Variants in THRB observed in about 807,000 individuals in gnomAD.
THRB encodes thyroid hormone receptor beta, also known as nuclear receptor subfamily 1 group A member 2.
In THRB, 12 loss-of-function variants were observed where a neutral mutation model predicts 47.8. That is an observed-to-expected ratio of 0.25 (90% CI 0.16 to 0.41). The LOEUF (loss-of-function observed/expected upper bound fraction) is 0.41. Ranked by LOEUF, THRB falls within the 10% of genes least tolerant of loss-of-function variation. The probability of loss-of-function intolerance (pLI) is 1.00; values close to 1 mark genes in which losing one functional copy is unlikely to be tolerated. For missense variants in THRB, 348 were observed against 589.2 expected, an observed-to-expected ratio of 0.59 and a Z score of 4.24; for synonymous variants, 218 against 212.2, an observed-to-expected ratio of 1.03 and a Z score of -0.24.
chr3:24,299,088 A>G (rs1424676181), intron 2 of THRB, among the ~76,000 whole-genome samples: 4 of 151,860 alleles, frequency 2.6e-5, no homozygotes, highest in Non-Finnish European at 5.9e-5. Context: ...TCTACTAAAA[A>G]TACAAAAAAA....
intron 5 of THRB, among the ~76,000 whole-genome samples, chr3:24,170,480 G>A (rs1182253929): frequency 6.6e-6 from 1 of 152,168 alleles, no homozygotes; most frequent in Admixed American, 6.5e-5. Context: ...ACCTTCAGTG[G>A]CTTTGTACTG....
chr3:24,384,196 G>A (rs1365337073), intron 1 of THRB, among the ~76,000 whole-genome samples: 2 of 152,070 alleles, frequency 1.3e-5, no homozygotes, highest in Non-Finnish European at 2.9e-5. Flanking sequence ...TTTCTAAACA[G>A]GGCAAGTCTG....
At chr3:24,450,123 T>C (rs925997086) in intron 1 of THRB, among the ~76,000 whole-genome samples, 9 of 152,302 alleles carry the variant, frequency 5.9e-5, no homozygotes, top group African/African-American at 2.2e-4. Flanking sequence ...ATATTTAAGA[T>C]TCTTATTTTA....
intron 2 of THRB, among the ~76,000 whole-genome samples, chr3:24,330,213 A>G (rs2061833616): frequency 1.3e-5 from 2 of 152,208 alleles, no homozygotes; most frequent in East Asian, 3.9e-4. Context: ...AGGCTGAGGC[A>G]GGAGAATGGC....
intron 4 of THRB, among the ~76,000 whole-genome samples, chr3:24,192,842 T>C (rs1251784466): frequency 2.6e-5 from 4 of 152,212 alleles, no homozygotes; most frequent in Non-Finnish European, 4.4e-5. Context: ...TCATAATTAC[T>C]GTCTGTAATT....
At chr3:24,248,690 C>T (rs1218367775) in intron 3 of THRB, among the ~76,000 whole-genome samples, 5 of 152,168 alleles carry the variant, frequency 3.3e-5, no homozygotes, top group African/African-American at 1.2e-4. Flanking sequence ...TCACTGCTGT[C>T]TGGAGTATGG....
At chr3:24,258,624 T>C (rs1396735622) in intron 3 of THRB, among the ~76,000 whole-genome samples, 1 of 152,170 alleles carries the variant, frequency 6.6e-6, no homozygotes, top group Non-Finnish European at 1.5e-5. Context: ...GATGTATACA[T>C]TACTGCATAC....
chr3:24,324,821 C>A (rs2058705228), intron 2 of THRB, among the ~76,000 whole-genome samples: 1 of 152,118 alleles, frequency 6.6e-6, no homozygotes, highest in Non-Finnish European at 1.5e-5. Context: ...GTTTCTTATT[C>A]CTGATTTCCA....
chr3:24,238,278 T>G (rs56927608), intron 3 of THRB, among the ~76,000 whole-genome samples: 318 of 29,872 alleles, frequency 0.011, 5 homozygotes, highest in Middle Eastern at 0.05. Flanking sequence ...TGTGTGTGTG[T>G]GGGGGGGGGG....
At chr3:24,204,791 T>C (rs879665777) in intron 4 of THRB, among the ~76,000 whole-genome samples, 1 of 152,092 alleles carries the variant, frequency 6.6e-6, no homozygotes. Flanking sequence ...CAATTACCAG[T>C]GTAGAGAAGT....
intron 3 of THRB, among the ~76,000 whole-genome samples, chr3:24,292,561 C>T (rs1237346408): frequency 6.6e-6 from 1 of 152,114 alleles, no homozygotes; most frequent in East Asian, 1.9e-4. Flanking sequence ...GTTTCAAGCC[C>T]TTCTCCCTGG....
At chr3:24,472,477 C>T (rs939693066) in intron 1 of THRB, among the ~76,000 whole-genome samples, 2 of 152,094 alleles carry the variant, frequency 1.3e-5, no homozygotes, top group African/African-American at 4.8e-5. Flanking sequence ...GACTACTGAC[C>T]CCTAAAAAGG....
Position 24,149,267 on chromosome 3 carries a change from A to G in THRB, c.385-2445T>C, listed in dbSNP as rs554332162. Among the ~76,000 whole-genome samples the G allele has an allele frequency of 4.1e-4, 63 of 152,316 alleles. No individual in the cohort carries two copies. The South Asian group carries it at 5.6e-3, about 14-fold the overall frequency. ...CTTCTGGAGGAAACAATAATTTCCTAGAGGTAGAAATACCAAAGTCCAAGA... is the reference window on the plus strand; with the variant it reads ...CTTCTGGAGGAAACAATAATTTCCTGGAGGTAGAAATACCAAAGTCCAAGA... On this transcript the variant is annotated intron_variant, in intron 6 of 10. Coordinates refer to ENST00000646209, the MANE Select transcript of THRB (RefSeq NM_001354712.2).
At chr3:24,322,882 C>A (rs1481520194) in intron 2 of THRB, among the ~76,000 whole-genome samples, 7 of 152,180 alleles carry the variant, frequency 4.6e-5, no homozygotes, top group African/African-American at 1.4e-4. Flanking sequence ...TCTCTCCTAC[C>A]TAATATCCTG....
chr3:24,473,779 T>C (rs1695051951), intron 1 of THRB, among the ~76,000 whole-genome samples: 1 of 152,226 alleles, frequency 6.6e-6, no homozygotes, highest in Non-Finnish European at 1.5e-5. Flanking sequence ...TGAGTTCATG[T>C]CCTTTGCAGG....
intron 1 of THRB, among the ~76,000 whole-genome samples, chr3:24,423,099 A>G (rs2069425611): frequency 6.6e-6 from 1 of 151,836 alleles, no homozygotes; most frequent in South Asian, 2.1e-4. Flanking sequence ...CCATATAACT[A>G]AGTAAGTCCT....
intron 10 of THRB, among the ~76,000 whole-genome samples, chr3:24,127,100 A>C (rs1213197656): frequency 6.6e-6 from 1 of 152,206 alleles, no homozygotes; most frequent in Non-Finnish European, 1.5e-5. Flanking sequence ...AGCCATGAAC[A>C]AATTCTAGCC....
chr3:24,289,711 T>C (rs1169570842), intron 3 of THRB, among the ~76,000 whole-genome samples: 1 of 152,258 alleles, frequency 6.6e-6, no homozygotes, highest in Non-Finnish European at 1.5e-5. Context: ...CAGCCTAGGC[T>C]AAAATATCGA....
intron 3 of THRB, among the ~76,000 whole-genome samples, chr3:24,280,946 C>A (rs1346127961): frequency 1.3e-5 from 2 of 152,066 alleles, no homozygotes; most frequent in African/African-American, 4.8e-5. Flanking sequence ...GTGAAAAGAC[C>A]AAATCTACGT....
Sources: allele counts gnomAD v4.1 joint callset (sites outside exome capture counted in the v4.1 genomes callset), GRCh38; gene constraint gnomAD v4.1.1; transcripts MANE v1.5; gene names NCBI Gene and HGNC (gene_info 2026-07-23, HGNC 2026-07-21).